Variants in SERINC1 observed in about 807,000 individuals in gnomAD.
The protein encoded by SERINC1 is tumor differentially expressed protein 2.
Under a neutral mutation model 52.9 loss-of-function variants are expected in SERINC1, and 38 were observed. The observed-to-expected ratio is 0.72, with a 90% CI of 0.55 to 0.94. The LOEUF is 0.94. SERINC1 is among the 40% of genes least tolerant of loss of function. SERINC1 has a pLI of 0.00. For missense variants in SERINC1, 471 were observed against 533.9 expected (o/e 0.88, Z 1.16); for synonymous variants, 198 against 183.1 (o/e 1.08, Z -0.66).
chr6:122,454,416 T>C, intron 3 of SERINC1, 186 bp from the exon 4 acceptor site: 1 of 522,444 alleles, frequency 1.9e-6, no homozygotes, highest in African/African-American at 2.0e-5. Flanking sequence ...TCATCATATT[T>C]AGATAACATA....
At chr6:122,471,623 C>T (rs3752574) in intron 1 of SERINC1, 76 bp downstream of exon 1, 235,863 of 1,584,770 alleles carry the variant, frequency 0.15, 18,444 homozygotes, top group East Asian at 0.18. Context: ...CCGCCGGGCT[C>T]ACCCAGCCCC....
At chr6:122,470,081 T>C (rs940537072) in intron 1 of SERINC1, among the ~76,000 whole-genome samples, 1 of 152,152 alleles carries the variant, frequency 6.6e-6, no homozygotes, top group Non-Finnish European at 1.5e-5. Flanking sequence ...CTGAGCACGG[T>C]AGCACCTGCC....
chr6:122,469,361 T>G (rs950668651), intron 1 of SERINC1, among the ~76,000 whole-genome samples: 5 of 150,580 alleles, frequency 3.3e-5, no homozygotes, highest in East Asian at 3.9e-4. Context: ...ACTTTTTTTT[T>G]GTTCTGTTTT....
At chr6:122,460,140 C>T (rs995839138) in intron 1 of SERINC1, among the ~76,000 whole-genome samples, 10 of 152,162 alleles carry the variant, frequency 6.6e-5, no homozygotes, top group African/African-American at 2.4e-5. Context: ...GATCTCAGCT[C>T]ACTGCAACCT....
At chr6:122,457,910 C>T (rs1218712349) in intron 2 of SERINC1, among the ~76,000 whole-genome samples, 1 of 152,030 alleles carries the variant, frequency 6.6e-6, no homozygotes, top group Non-Finnish European at 1.5e-5. Flanking sequence ...ACCTGACTCT[C>T]TCTAAAAATT....
chr6:122,467,346 T>C (rs1474672388), intron 1 of SERINC1, among the ~76,000 whole-genome samples: 1 of 152,206 alleles, frequency 6.6e-6, no homozygotes, highest in Non-Finnish European at 1.5e-5. Context: ...GGCTCACACC[T>C]ATAATCCCAG....
chr6:122,454,032 G>C, intron 4 of SERINC1, 119 bp downstream of exon 4: 2 of 1,182,614 alleles, frequency 1.7e-6, no homozygotes, highest in East Asian at 2.6e-5. Context: ...TGCCAACTGG[G>C]GAAACACACA....
chr6:122,457,790 CTGAG>C (rs1380273270), intron 2 of SERINC1, among the ~76,000 whole-genome samples: 2 of 126,420 alleles, frequency 1.6e-5, no homozygotes, highest in Non-Finnish European at 1.7e-5. Context: ...GCAGCCTGAA[CTGAG>C]TAAGACATAC....
intron 7 of SERINC1, among the ~76,000 whole-genome samples, chr6:122,449,679 C>G (rs1774870337): frequency 6.6e-6 from 1 of 152,150 alleles, no homozygotes; most frequent in Admixed American, 6.5e-5. Flanking sequence ...GATGCAGAAG[C>G]TACAGCAAGT....
chr6:122,448,420 A>G (rs1275086237), intron 7 of SERINC1, among the ~76,000 whole-genome samples: 1 of 152,218 alleles, frequency 6.6e-6, no homozygotes. Flanking sequence ...AATGAGATTC[A>G]TATAACATCA....
At chr6:122,446,103 G>C (rs1774795593) in intron 9 of SERINC1, among the ~76,000 whole-genome samples, 1 of 151,902 alleles carries the variant, frequency 6.6e-6, no homozygotes, top group African/African-American at 2.4e-5. Flanking sequence ...ATTAAAAACA[G>C]AACTTCCCAA....
chr6:122,466,899 G>A (rs750179828), intron 1 of SERINC1, among the ~76,000 whole-genome samples: 1 of 152,040 alleles, frequency 6.6e-6, no homozygotes, highest in African/African-American at 2.4e-5. Flanking sequence ...AGTGAAGGAT[G>A]GAAAGGTCAT....
At chr6:122,461,045 C>T (rs1384311957) in intron 1 of SERINC1, among the ~76,000 whole-genome samples, 1 of 152,164 alleles carries the variant, frequency 6.6e-6, no homozygotes, top group East Asian at 1.9e-4. Flanking sequence ...AGGATCAGAA[C>T]ATTGTGAGAC....
chr6:122,469,436 G>T (rs1376630021), intron 1 of SERINC1, among the ~76,000 whole-genome samples: 1 of 151,608 alleles, frequency 6.6e-6, no homozygotes, highest in South Asian at 2.1e-4. Context: ...GAGTGCAGTG[G>T]CGCCATCTTG....
rs567389505 is a variant in SERINC1 at position 122,460,318 on chromosome 6, G to A, written c.40-1637C>T. ...CTGGTCTCCTGACCTCAGGTGATCC[G>A]CCTACCTCGGCCTCCCAAAGTGCTG... On this transcript the variant is annotated intron_variant, in intron 1 of 9. Coordinates refer to ENST00000339697, the MANE Select transcript of SERINC1 (RefSeq NM_020755.4). 9.2e-5 allele frequency among the ~76,000 whole-genome samples: 14 copies of A among 152,192 alleles called. 1 individual carries two copies. In the East Asian group the frequency reaches 1.4e-3, roughly 15 times the overall value.
chr6:122,455,158 T>C (rs1156623465), intron 3 of SERINC1, among the ~76,000 whole-genome samples: 1 of 152,168 alleles, frequency 6.6e-6, no homozygotes, highest in Non-Finnish European at 1.5e-5. Context: ...GGTAGACTTC[T>C]GATAGTTATA....
chr6:122,460,404 T>C (rs371650685), intron 1 of SERINC1, among the ~76,000 whole-genome samples: 233 of 152,200 alleles, frequency 1.5e-3, no homozygotes, highest in African/African-American at 5.3e-3. Context: ...CTAGGGAGAA[T>C]GTTCACTGCA....
At chr6:122,467,102 G>T (rs1554212082) in intron 1 of SERINC1, among the ~76,000 whole-genome samples, 2 of 151,552 alleles carry the variant, frequency 1.3e-5, no homozygotes. Flanking sequence ...AAGCAATGAA[G>T]AAAAAAAGGG....
At chr6:122,454,552 G>T (rs1169739549) in intron 3 of SERINC1, 3 of 254,482 alleles carry the variant, frequency 1.2e-5, no homozygotes, top group Non-Finnish European at 1.6e-5. Context: ...GAAAGGAATG[G>T]ATTAAAGCCC....
Sources: gnomAD v4.1 joint callset for allele counts (sites outside exome capture counted in the v4.1 genomes callset) on GRCh38, gnomAD v4.1.1 for gene constraint, MANE v1.5 for transcripts, NCBI Gene and HGNC (gene_info 2026-07-23, HGNC 2026-07-21) for gene names.